Variants in KSR2 observed in about 807,000 individuals in gnomAD.
KSR2 encodes kinase suppressor of ras 2.
A neutral mutation model predicts 107.8 loss-of-function variants in KSR2; 25 were observed. That is an observed-to-expected ratio of 0.23 (90% CI 0.17 to 0.32). The LOEUF is 0.32. Ranked by LOEUF, KSR2 falls within the 10% of genes least tolerant of loss-of-function variation. KSR2 has a pLI of 1.00. For synonymous variants in KSR2, 480 were observed against 507.0 expected, an observed-to-expected ratio of 0.95 and a Z score of 0.71; for missense variants, 887 against 1,268.9, an observed-to-expected ratio of 0.70 and a Z score of 4.57.
rs1893716031 is a variant in KSR2, at chr12:117,873,375, A to G, written c.181-12944T>C. 2.7e-5 allele frequency among the ~76,000 whole-genome samples: 4 copies of G among 150,650 alleles called. No individual in the cohort carries two copies. In the South Asian group the frequency reaches 8.4e-4, roughly 32 times the overall value. Reference sequence around the variant, plus strand: ...AAAAAAAAAAAAAAGGCCATGTTCCATATCATAAGATAATAATAATGGGAG... The same window carrying G: ...AAAAAAAAAAAAAAGGCCATGTTCCGTATCATAAGATAATAATAATGGGAG... On this transcript the variant is annotated intron_variant, in intron 1 of 19. Transcript: ENST00000339824.
rs528019629 is a variant in KSR2 at position 117,967,185 on chromosome 12, G to A, written c.180+891C>T. On this transcript the variant is annotated intron_variant, in intron 1 of 19. Transcript: ENST00000339824. ...TGGCCTTCAGAAAAAAATAATTTCTGCCATCTTCTTTCTGAGTAACTTTGC... is the reference window on the plus strand; with the variant it reads ...TGGCCTTCAGAAAAAAATAATTTCTACCATCTTCTTTCTGAGTAACTTTGC... Among the ~76,000 whole-genome samples the A allele has an allele frequency of 2.0e-5, 3 of 148,696 alleles. No individual in the cohort carries two copies. In the East Asian group the frequency reaches 5.8e-4, roughly 29 times the overall value.
intron 3 of KSR2, among the ~76,000 whole-genome samples, chr12:117,834,055 G>A (rs999031849): frequency 9.2e-5 from 14 of 151,858 alleles, no homozygotes; most frequent in Non-Finnish European, 1.5e-4. Context: ...GGAGGAGGAC[G>A]GCTTGAGCCT....
intron 3 of KSR2, among the ~76,000 whole-genome samples, chr12:117,854,808 G>A (rs1893045171): frequency 6.6e-6 from 1 of 151,980 alleles, no homozygotes; most frequent in Non-Finnish European, 1.5e-5. Context: ...AAAAGATCCA[G>A]GAGGGATGAC....
chr12:117,840,810 G>A (rs750748593), intron 3 of KSR2, among the ~76,000 whole-genome samples: 1 of 151,380 alleles, frequency 6.6e-6, no homozygotes, highest in South Asian at 2.1e-4. Context: ...AGACCAACCT[G>A]GCCAACATGG....
chr12:117,606,805 C>T (rs529935141), intron 5 of KSR2, among the ~76,000 whole-genome samples: 2 of 151,318 alleles, frequency 1.3e-5, no homozygotes, highest in African/African-American at 2.4e-5. Context: ...CCCTCCCTTC[C>T]TTTCTCCTCT....
chr12:117,802,458 C>T (rs1442421113), intron 3 of KSR2, among the ~76,000 whole-genome samples: 2 of 152,132 alleles, frequency 1.3e-5, no homozygotes, highest in Non-Finnish European at 2.9e-5. Flanking sequence ...TCAGAGATGT[C>T]CCTGGGGATG....
At chr12:117,828,677 G>GT (rs1891846007) in intron 3 of KSR2, among the ~76,000 whole-genome samples, 1 of 152,200 alleles carries the variant, frequency 6.6e-6, no homozygotes, top group South Asian at 2.1e-4. Context: ...CGACTGGTCT[G>GT]TATCTTGTTA....
intron 14 of KSR2, among the ~76,000 whole-genome samples, chr12:117,500,287 G>C (rs868657281): frequency 3.3e-5 from 5 of 152,198 alleles, no homozygotes; most frequent in African/African-American, 1.2e-4. Flanking sequence ...AGTGACACAG[G>C]CTGGCTGCAA....
chr12:117,539,622 G>T, intron 10 of KSR2, 97 bp downstream of exon 10: 1 of 1,211,490 alleles, frequency 8.3e-7, no homozygotes. Flanking sequence ...TTCCTGCAGA[G>T]ACTTGCTGCA....
At chr12:117,546,786 A>G (rs1373779189) in intron 9 of KSR2, among the ~76,000 whole-genome samples, 1 of 151,910 alleles carries the variant, frequency 6.6e-6, no homozygotes, top group Non-Finnish European at 1.5e-5. Flanking sequence ...TGGTTATTGT[A>G]TTTTCTAATT....
chr12:117,620,957 A>G (rs1413496191), intron 5 of KSR2, among the ~76,000 whole-genome samples: 3 of 152,154 alleles, frequency 2.0e-5, no homozygotes, highest in Non-Finnish European at 2.9e-5. Context: ...CTGTGGGAAT[A>G]TTAGAGGATA....
At chr12:117,936,420 G>A (rs1379458583) in intron 1 of KSR2, among the ~76,000 whole-genome samples, 2 of 151,174 alleles carry the variant, frequency 1.3e-5, no homozygotes, top group African/African-American at 4.9e-5. Flanking sequence ...GCAAATTCCT[G>A]TGCTCATGTG....
chr12:117,493,019 T>C (rs934414160), intron 14 of KSR2, among the ~76,000 whole-genome samples: 13 of 152,068 alleles, frequency 8.5e-5, no homozygotes, highest in African/African-American at 3.1e-4. Flanking sequence ...CAGAACCATG[T>C]TCTTGTTGTT....
intron 3 of KSR2, among the ~76,000 whole-genome samples, chr12:117,779,299 C>A (rs554931737): frequency 6.6e-6 from 1 of 152,354 alleles, no homozygotes; most frequent in African/African-American, 2.4e-5. Context: ...TACCTGCCAA[C>A]ATAACTTCTT....
chr12:117,676,577 A>AT (rs1489364204), intron 4 of KSR2, among the ~76,000 whole-genome samples: 1 of 152,190 alleles, frequency 6.6e-6, no homozygotes, highest in African/African-American at 2.4e-5. Flanking sequence ...GGGGGAGGAG[A>AT]TGTTGGCTAA....
chr12:117,660,774 T>A (rs1884400749), intron 5 of KSR2, among the ~76,000 whole-genome samples: 1 of 149,976 alleles, frequency 6.7e-6, no homozygotes, highest in African/African-American at 2.4e-5. Flanking sequence ...CATCTGCAAA[T>A]GAATCATGAC....
chr12:117,505,235 T>C (rs1315744012), intron 14 of KSR2, among the ~76,000 whole-genome samples: 1 of 152,192 alleles, frequency 6.6e-6, no homozygotes, highest in Non-Finnish European at 1.5e-5. Flanking sequence ...TCAGTCCTTA[T>C]GCAGTCCCCT....
At chr12:117,693,400 G>A (rs1490119676) in intron 4 of KSR2, among the ~76,000 whole-genome samples, 1 of 152,162 alleles carries the variant, frequency 6.6e-6, no homozygotes, top group African/African-American at 2.4e-5. Context: ...GAAGCCTAGA[G>A]GATTGTGCTG....
chr12:117,883,220 A>G (rs541556229), intron 1 of KSR2, among the ~76,000 whole-genome samples: 2 of 152,348 alleles, frequency 1.3e-5, no homozygotes, highest in South Asian at 4.1e-4. Context: ...CAATTACATC[A>G]CATCAGGCAT....
Sources: gnomAD v4.1 joint callset for allele counts (sites outside exome capture counted in the v4.1 genomes callset) on GRCh38, gnomAD v4.1.1 for gene constraint, MANE v1.5 for transcripts, NCBI Gene and HGNC (gene_info 2026-07-23, HGNC 2026-07-21) for gene names.